ZNF555: variants seen among roughly 807,000 people sequenced by gnomAD.
ZNF555 encodes the protein zinc finger protein 555.
Under a neutral mutation model 14.0 loss-of-function variants are expected in ZNF555, and 10 were observed. That is an observed-to-expected ratio of 0.72 (90% CI 0.44 to 1.21). The LOEUF is 1.21. Ranked by LOEUF, ZNF555 falls within the 50% of genes most tolerant of loss-of-function variation. The probability of loss-of-function intolerance (pLI) is 0.00; values close to 1 mark genes in which losing one functional copy is unlikely to be tolerated. For missense variants in ZNF555, 747 were observed against 762.0 expected, an observed-to-expected ratio of 0.98 and a Z score of 0.23; for synonymous variants, 277 against 262.4, an observed-to-expected ratio of 1.06 and a Z score of -0.54.
At chr19:2,844,494 C>T (rs2087566441) in intron 1 of ZNF555, among the ~76,000 whole-genome samples, 1 of 152,224 alleles carries the variant, frequency 6.6e-6, no homozygotes, top group Non-Finnish European at 1.5e-5. Flanking sequence ...CCGCCTCAGC[C>T]TCCCCGAGTG....
rs900130376 is a variant in ZNF555 at position 2,855,864 on chromosome 19, A to G, written c.*1912A>G. 6.6e-6 allele frequency: 1 copy of G among 152,116 alleles called. No individual in the cohort carries two copies. Among genetic ancestry groups the G allele is most frequent in the African/African-American group, 2.4e-5 (1 of 41,416 alleles). The allele number at this position is 152,116 out of a possible 1,614,324, so 9.4% of individuals were successfully genotyped here. ...TGTGTGTGTGTCTCTCCATGTGACA[A>G]TATTTTTATACATACACACCACTCA... On this transcript the variant is annotated 3_prime_UTR_variant, in exon 4 of 4. Coordinates refer to ENST00000334241, the MANE Select transcript of ZNF555 (RefSeq NM_152791.5).
At chr19:2,848,889 G>T (rs1377939064) in intron 1 of ZNF555, among the ~76,000 whole-genome samples, 1 of 152,186 alleles carries the variant, frequency 6.6e-6, no homozygotes, top group Non-Finnish European at 1.5e-5. Flanking sequence ...TAGGGTGGGG[G>T]TGAACCTTCC....
At chr19:2,842,983 C>T (rs1347456916) in intron 1 of ZNF555, among the ~76,000 whole-genome samples, 1 of 150,096 alleles carries the variant, frequency 6.7e-6, no homozygotes, top group Non-Finnish European at 1.5e-5. Context: ...GCGGAGGTTG[C>T]GGTGAGCTGA....
chr19:2,854,187 A>G lies in ZNF555; in HGVS notation c.*235A>G. 1.9e-6 allele frequency: 1 copy of G among 514,202 alleles called. No individual in the cohort carries two copies. 31.9% of individuals were successfully genotyped at this position (514,202 alleles called of 1,614,324 possible). Reference sequence around the variant, plus strand: ...GTTCAAGTTTTATTTAATTTCTTAAATTGTAACTGACTTAGTGTGACAGGT... The same window carrying G: ...GTTCAAGTTTTATTTAATTTCTTAAGTTGTAACTGACTTAGTGTGACAGGT... On this transcript the variant is annotated 3_prime_UTR_variant, in exon 4 of 4. Coordinates refer to ENST00000334241, the MANE Select transcript of ZNF555 (RefSeq NM_152791.5).
chr19:2,844,986 A>T (rs1257506795), intron 1 of ZNF555, among the ~76,000 whole-genome samples: 2 of 152,054 alleles, frequency 1.3e-5, no homozygotes, highest in African/African-American at 2.4e-5. Flanking sequence ...TTCCATTTTT[A>T]TTTCAGATTC....
In ZNF555 at chr19:2,853,215, C is replaced by G. The variant is rs768213202; in HGVS notation, c.1150C>G (p.Arg384Gly). Reference sequence around the variant, plus strand: ...GACCTTCATTTATCCCCAGTCCTTTCGAAGACATGAAAGGACTCATGGTGG... The same window carrying G: ...GACCTTCATTTATCCCCAGTCCTTTGGAAGACATGAAAGGACTCATGGTGG... ...GKTFIYPQSF[R>G]RHERTHGGEK... is the part of the protein sequence containing the mutation. Residue 384 changes from arginine to glycine, a missense_variant, in exon 4 of 4, where the codon CGA becomes GGA. Arg to Gly is a moderately radical substitution (Grantham distance 125). Coordinates refer to ENST00000334241, the MANE Select transcript of ZNF555 (RefSeq NM_152791.5). The G allele has an allele frequency of 6.2e-7, 1 of 1,614,010 alleles. No individual in the cohort carries two copies. Among genetic ancestry groups the G allele is most frequent in the South Asian group, 1.1e-5 (1 of 91,068 alleles).
At position 2,853,121 on chromosome 19, in the gene ZNF555, C is replaced by G; in HGVS notation, c.1056C>G (p.Leu352=). The G allele has an allele frequency of 1.2e-6, 2 of 1,614,084 alleles. No individual in the cohort carries two copies. The highest frequency in any genetic ancestry group is 1.3e-5 in the African/African-American group (1 of 75,028). The change falls in exon 4 of 4, where the codon CTC becomes CTG. Residue 352 remains leucine, a synonymous_variant. Transcript: ENST00000334241. ...AATGTGGGAAAACCTTCATTTATCTCCAGTCCTTTCGAAGACATGAAAGGA... is the reference window on the plus strand; with the variant it reads ...AATGTGGGAAAACCTTCATTTATCTGCAGTCCTTTCGAAGACATGAAAGGA... ...CKQCGKTFIY[L]QSFRRHERIH... is the part of the protein sequence containing the mutation.
chr19:2,843,275 T>C lies in ZNF555; in HGVS notation c.3+1700T>C, dbSNP rs531429934. On this transcript the variant is annotated intron_variant, in intron 1 of 3. Transcript: ENST00000334241. ...ACCTCCTGGGCTCAAGCAATCTTCCTGCCTCAGCCTTCTGAACACAGGGAC... is the reference window on the plus strand; with the variant it reads ...ACCTCCTGGGCTCAAGCAATCTTCCCGCCTCAGCCTTCTGAACACAGGGAC... Among the ~76,000 whole-genome samples, 50 of 152,304 alleles carry C rather than the reference T, an allele frequency of 3.3e-4. 1 individual carries two copies. The highest frequency in any genetic ancestry group is 1.1e-3 in the African/African-American group (44 of 41,568).
intron 1 of ZNF555, 75 bp from the exon 2 acceptor site, chr19:2,850,512 A>C: frequency 6.4e-7 from 1 of 1,566,426 alleles, no homozygotes; most frequent in Non-Finnish European, 8.7e-7. Flanking sequence ...TGTTTGAACT[A>C]CATACGAATT....
In ZNF555 at chr19:2,853,292, C is replaced by G. The variant is rs142451439; in HGVS notation, c.1227C>G (p.Ser409=). Residue 409 remains serine (S), a synonymous_variant, in exon 4 of 4, where the codon TCC becomes TCG. Coordinates refer to ENST00000334241, the MANE Select transcript of ZNF555 (RefSeq NM_152791.5). ...NQCGKAFSHP[S]SFRGHMRVHT... is the part of the protein sequence containing the mutation. ...GCGGGAAAGCATTCAGTCACCCCTCCTCCTTTCGAGGACACATGAGGGTGC... is the reference window on the plus strand; with the variant it reads ...GCGGGAAAGCATTCAGTCACCCCTCGTCCTTTCGAGGACACATGAGGGTGC... 1.2e-6 allele frequency: 2 copies of G among 1,613,010 alleles called. No individual in the cohort carries two copies. The highest frequency in any genetic ancestry group is 1.6e-4 in the Middle Eastern group (1 of 6,076).
intron 3 of ZNF555, 89 bp downstream of exon 3, chr19:2,851,740 C>A: frequency 1.7e-6 from 2 of 1,196,276 alleles, no homozygotes; most frequent in South Asian, 2.2e-5. Context: ...ACAGAAAACT[C>A]ATCCAAGCCT....
intron 1 of ZNF555, among the ~76,000 whole-genome samples, chr19:2,846,140 G>A (rs1195863131): frequency 6.6e-6 from 1 of 152,200 alleles, no homozygotes; most frequent in African/African-American, 2.4e-5. Context: ...GGCTCTGCCT[G>A]AGGCATCATT....
intron 3 of ZNF555, 36 bp from the exon 4 acceptor site, chr19:2,852,344 T>C: frequency 6.2e-7 from 1 of 1,611,498 alleles, no homozygotes; most frequent in Non-Finnish European, 8.5e-7. Flanking sequence ...AACAAATCAT[T>C]ATTAATCAAA....
At chr19:2,845,284 A>C (rs985092275) in intron 1 of ZNF555, among the ~76,000 whole-genome samples, 7 of 152,232 alleles carry the variant, frequency 4.6e-5, no homozygotes, top group Non-Finnish European at 5.9e-5. Flanking sequence ...ATGTTGCTGC[A>C]AAGGACATGA....
chr19:2,845,845 C>G (rs1403524097), intron 1 of ZNF555, among the ~76,000 whole-genome samples: 2 of 152,182 alleles, frequency 1.3e-5, no homozygotes, highest in Admixed American at 6.5e-5. Flanking sequence ...TCCTGCACAG[C>G]ATAACTCTGG....
intron 3 of ZNF555, 74 bp downstream of exon 3, chr19:2,851,725 A>G: frequency 7.5e-7 from 1 of 1,333,904 alleles, no homozygotes; most frequent in East Asian, 2.7e-5. Flanking sequence ...TAAAAAAGCA[A>G]GCAAACAGAA....
intron 1 of ZNF555, among the ~76,000 whole-genome samples, chr19:2,849,846 G>A (rs1356197844): frequency 2.6e-5 from 4 of 152,008 alleles, no homozygotes; most frequent in African/African-American, 9.7e-5. Flanking sequence ...TGTGCACCTC[G>A]CTCTGTGTAT....
Position 2,856,210 on chromosome 19 carries a change from A to AT in ZNF555, c.*2270dup, listed in dbSNP as rs34651976. ...ATACTTAACATTTGCCATTAAAATG[A>AT]TTTTTTTTTTTTGAGACAGAGTCTC... On this transcript the variant is annotated 3_prime_UTR_variant, in exon 4 of 4. Coordinates refer to ENST00000334241, the MANE Select transcript of ZNF555 (RefSeq NM_152791.5). 0.8 allele frequency: 119,430 copies of AT among 148,766 alleles called. 48,491 individuals carry two copies. Among genetic ancestry groups the AT allele is most frequent in the East Asian group, 0.99 (5,065 of 5,098 alleles). The allele number at this position is 148,766 out of a possible 1,614,324, so 9.2% of individuals were successfully genotyped here.
intron 2 of ZNF555, 28 bp downstream of exon 2, chr19:2,850,741 C>T (rs767124875): frequency 1.9e-5 from 31 of 1,610,386 alleles, no homozygotes; most frequent in African/African-American, 4.0e-5. Flanking sequence ...CCTTCCTTCA[C>T]GTAGTTATTG....
Sources: gnomAD v4.1 joint callset for allele counts (sites outside exome capture counted in the v4.1 genomes callset) on GRCh38, gnomAD v4.1.1 for gene constraint, MANE v1.5 for transcripts, NCBI Gene and HGNC (gene_info 2026-07-23, HGNC 2026-07-21) for gene names.